The following TTL variants were observed in gnomAD, a reference collection of about 807,000 sequenced individuals.
The protein encoded by TTL is tubulin tyrosine ligase.
A neutral mutation model predicts 41.1 loss-of-function variants in TTL; 10 were observed. The observed-to-expected ratio is 0.24, with a 90% CI of 0.15 to 0.41. The LOEUF (loss-of-function observed/expected upper bound fraction) is 0.41. Ranked by LOEUF, TTL falls within the 10% of genes least tolerant of loss-of-function variation. The pLI is 1.00. For synonymous variants in TTL, 175 were observed against 175.5 expected (o/e 1.00, Z 0.02); for missense variants, 367 against 460.4 (o/e 0.80, Z 1.86).
intron 2 of TTL, among the ~76,000 whole-genome samples, chr2:112,488,637 A>C (rs1215859539): frequency 2.6e-5 from 4 of 152,062 alleles, no homozygotes; most frequent in Non-Finnish European, 5.9e-5. Flanking sequence ...GGGTACCTGT[A>C]ATCCCAGCTG....
chr2:112,485,710 A>G (rs1267467125), intron 1 of TTL, among the ~76,000 whole-genome samples: 2 of 152,206 alleles, frequency 1.3e-5, no homozygotes, highest in Non-Finnish European at 2.9e-5. Context: ...ATGTTGATAT[A>G]ATATCCACTG....
chr2:112,522,303 C>T (rs759062526), intron 6 of TTL: 1 of 152,604 alleles, frequency 6.6e-6, no homozygotes, highest in Non-Finnish European at 1.5e-5. Flanking sequence ...GGCTGGCTCC[C>T]ATCCTGATTG....
At chr2:112,515,479 A>G (rs1682042880) in intron 5 of TTL, among the ~76,000 whole-genome samples, 1 of 152,080 alleles carries the variant, frequency 6.6e-6, no homozygotes, top group Non-Finnish European at 1.5e-5. Context: ...ATTAGTGTTC[A>G]CTTACTACAG....
intron 3 of TTL, among the ~76,000 whole-genome samples, chr2:112,498,286 G>A (rs1300539295): frequency 6.6e-6 from 1 of 152,062 alleles, no homozygotes; most frequent in Non-Finnish European, 1.5e-5. Context: ...TCGCACCATT[G>A]CACTCCAGCT....
rs1682487565 is a variant in TTL, at chr2:112,530,779, T to C, written c.*1984T>C. 2 of 199,476 alleles carry C rather than the reference T, an allele frequency of 1.0e-5. No individual in the cohort carries two copies. Among genetic ancestry groups the C allele is most frequent in the South Asian group, 3.8e-4 (2 of 5,200 alleles). 12.4% of individuals were successfully genotyped at this position (199,476 alleles called of 1,614,324 possible). A position where few individuals can be genotyped will look rare whatever the true frequency, so the allele number is the denominator to read the frequency against. ...AGTCTGTGAATCTTGATGGATTTTCTGAGAAACCTGACTCAATGGCATATA... is the reference window on the plus strand; with the variant it reads ...AGTCTGTGAATCTTGATGGATTTTCCGAGAAACCTGACTCAATGGCATATA... On this transcript the variant is annotated 3_prime_UTR_variant, in exon 7 of 7. Coordinates refer to ENST00000233336, the MANE Select transcript of TTL (RefSeq NM_153712.5).
At chr2:112,513,517 G>T (rs1279354643) in intron 5 of TTL, among the ~76,000 whole-genome samples, 1 of 151,320 alleles carries the variant, frequency 6.6e-6, no homozygotes, top group Non-Finnish European at 1.5e-5. Flanking sequence ...CTGAGAATGT[G>T]TTTATTTCAC....
In TTL at chr2:112,535,869, A is replaced by G. The variant is rs1682587365; in HGVS notation, c.*7074A>G. ...GCCTAGGTTGGAGTCTAGTGGTGTA[A>G]TGATAGCTCACTGCAGCCTCAAACT... On this transcript the variant is annotated 3_prime_UTR_variant, in exon 7 of 7. Coordinates refer to ENST00000233336, the MANE Select transcript of TTL (RefSeq NM_153712.5). 1 of 152,170 alleles carries G rather than the reference A, an allele frequency of 6.6e-6. No individual in the cohort carries two copies. The highest frequency in any genetic ancestry group is 1.5e-5 in the Non-Finnish European group (1 of 68,032). 9.4% of individuals were successfully genotyped at this position (152,170 alleles called of 1,614,324 possible). A position where few individuals can be genotyped will look rare whatever the true frequency, so the allele number is the denominator to read the frequency against.
intron 6 of TTL, among the ~76,000 whole-genome samples, chr2:112,522,790 A>G (rs1208066401): frequency 1.3e-5 from 2 of 151,796 alleles, no homozygotes; most frequent in African/African-American, 2.4e-5. Context: ...AGTCCTGCCC[A>G]TCAGGGCCCT....
intron 6 of TTL, chr2:112,521,202 C>T: frequency 2.0e-6 from 2 of 985,272 alleles, no homozygotes; most frequent in Non-Finnish European, 2.4e-6. Flanking sequence ...TGGGCTCTCA[C>T]CCTGTCCCGG....
At position 112,482,542 on chromosome 2, in the gene TTL, G is replaced by T; in HGVS notation, c.157+41G>T. 6.5e-7 allele frequency: 1 copy of T among 1,536,570 alleles called. No individual in the cohort carries two copies. Among genetic ancestry groups the T allele is most frequent in the Non-Finnish European group, 8.8e-7 (1 of 1,138,794 alleles). ...ATTCCCGTCTGCCCTCCTCGGAGCGGCCCTGCGCGCCTCCCGCGGCCCGTT... is the reference window on the plus strand; with the variant it reads ...ATTCCCGTCTGCCCTCCTCGGAGCGTCCCTGCGCGCCTCCCGCGGCCCGTT... On this transcript the variant is annotated intron_variant, in intron 1 of 6. Transcript: ENST00000233336. The surrounding 1 kb of genome is among the most constrained non-coding windows in gnomAD (Gnocchi z 5.3).
At chr2:112,524,110 C>G (rs893396868) in intron 6 of TTL, among the ~76,000 whole-genome samples, 5 of 152,196 alleles carry the variant, frequency 3.3e-5, no homozygotes, top group African/African-American at 9.6e-5. Flanking sequence ...CATGTCCCTA[C>G]AAAGGACATG....
rs1682644049 is a variant in TTL, at chr2:112,538,620, A to T, written c.*9825A>T. The T allele has an allele frequency of 6.6e-6, 1 of 152,212 alleles. No homozygotes were observed. Among genetic ancestry groups the T allele is most frequent in the African/African-American group, 2.4e-5 (1 of 41,432 alleles). 9.4% of individuals were successfully genotyped at this position (152,212 alleles called of 1,614,324 possible). ...TGATTAAATCTGGTCTCTATAAAAA[A>T]TACAAGAATTAGCCAGGCATGGTGG... is the stretch of plus-strand genomic sequence containing the variant. On this transcript the variant is annotated 3_prime_UTR_variant, in exon 7 of 7. Transcript: ENST00000233336.
intron 6 of TTL, chr2:112,522,445 C>G (rs1041773501): frequency 3.3e-5 from 5 of 152,600 alleles, no homozygotes; most frequent in African/African-American, 1.2e-4. Context: ...CTGAGCTGCT[C>G]TCCTGTCATG....
At chr2:112,495,319 A>G (rs1361451678) in intron 3 of TTL, among the ~76,000 whole-genome samples, 4 of 152,084 alleles carry the variant, frequency 2.6e-5, no homozygotes, top group African/African-American at 9.7e-5. Flanking sequence ...TCCTGGCACT[A>G]TACTACTTCT....
intron 5 of TTL, among the ~76,000 whole-genome samples, chr2:112,517,157 A>G (rs1227657115): frequency 4.3e-5 from 2 of 46,976 alleles, no homozygotes; most frequent in East Asian, 2.2e-3. Flanking sequence ...AGCTTTCAGC[A>G]AAAAAAAAAA....
chr2:112,513,612 A>G (rs995674308), intron 5 of TTL, among the ~76,000 whole-genome samples: 3 of 149,256 alleles, frequency 2.0e-5, no homozygotes, highest in African/African-American at 5.0e-5. Context: ...TACAAGTATA[A>G]GTATAAATAT....
chr2:112,510,445 G>T (rs1039070797), intron 5 of TTL, among the ~76,000 whole-genome samples: 5 of 151,890 alleles, frequency 3.3e-5, no homozygotes. Context: ...AGTTTTTAAG[G>T]TGAAAGTTTA....
chr2:112,512,692 C>T (rs1381521309), intron 5 of TTL, among the ~76,000 whole-genome samples: 4 of 152,326 alleles, frequency 2.6e-5, no homozygotes, highest in South Asian at 2.1e-4. Context: ...CCATCTCGCC[C>T]GGCCCTGTAT....
intron 5 of TTL, among the ~76,000 whole-genome samples, chr2:112,517,931 C>T (rs1682113843): frequency 6.6e-6 from 1 of 150,426 alleles, no homozygotes; most frequent in Non-Finnish European, 1.5e-5. Context: ...GCCTGGGCGA[C>T]AGAGTGAGAC....
Sources: gnomAD v4.1 joint callset for allele counts (sites outside exome capture counted in the v4.1 genomes callset) on GRCh38, gnomAD v4.1.1 for gene constraint, Gnocchi (gnomAD v3.1) non-coding constraint, MANE v1.5 for transcripts, NCBI Gene and HGNC (gene_info 2026-07-23, HGNC 2026-07-21) for gene names.